Variants in BCAS3 observed in about 807,000 individuals in gnomAD.
BCAS3 encodes BCAS3 microtubule associated cell migration factor.
Under a neutral mutation model 116.1 loss-of-function variants are expected in BCAS3, and 53 were observed. The ratio of observed to expected loss-of-function variants is 0.46; its 90% CI spans 0.37 to 0.57. The LOEUF (loss-of-function observed/expected upper bound fraction) is 0.57, where lower values mean the gene tolerates loss of function less well. BCAS3 is among the 20% of genes least tolerant of loss of function. The probability of loss-of-function intolerance (pLI) is 0.00; values close to 1 mark genes in which losing one functional copy is unlikely to be tolerated. For missense variants in BCAS3, 917 were observed against 1,165.4 expected (o/e 0.79, Z 3.10); for synonymous variants, 391 against 408.2 (o/e 0.96, Z 0.51).
chr17:60,763,625 G>A (rs1274825142), intron 6 of BCAS3, among the ~76,000 whole-genome samples: 8 of 152,100 alleles, frequency 5.3e-5, no homozygotes, highest in African/African-American at 1.2e-4. Flanking sequence ...TTTTCGCATC[G>A]ATGTTCATCA....
intron 7 of BCAS3, among the ~76,000 whole-genome samples, chr17:60,814,306 TGC>T (rs1555731469): frequency 8.8e-5 from 13 of 148,298 alleles, no homozygotes; most frequent in African/African-American, 2.5e-4. Context: ...TGTGTGTGTG[TGC>T]GCGCGTGCCC....
chr17:61,374,551 C>T (rs1603156048), intron 23 of BCAS3, among the ~76,000 whole-genome samples: 9 of 152,306 alleles, frequency 5.9e-5, no homozygotes, highest in South Asian at 2.1e-4. Context: ...TTCCTTCCTG[C>T]GGCCCCGGGC....
Position 61,114,420 on chromosome 17 carries a change from TCACAAGCATTCTTATA to T in BCAS3, c.2425+29860_2425+29875del, listed in dbSNP as rs1317894749. 6.2e-3 allele frequency among the ~76,000 whole-genome samples: 923 copies of T among 147,984 alleles called. 2 individuals carry two copies. Among genetic ancestry groups the T allele is most frequent in the Non-Finnish European group, 8.7e-3 (580 of 66,812 alleles). On this transcript the variant is annotated intron_variant, in intron 22 of 23. Coordinates refer to ENST00000407086, the MANE Select transcript of BCAS3 (RefSeq NM_017679.5). The stretch of plus-strand genomic sequence containing the variant: ...AGGATACAAAATCAATGTACCAAAA[TCACAAGCATTCTTATA>T]CACCAACAACAGACAAACAGAGAGC...
At chr17:61,086,311 T>C (rs1227295252) in intron 22 of BCAS3, among the ~76,000 whole-genome samples, 1 of 152,212 alleles carries the variant, frequency 6.6e-6, no homozygotes, top group Non-Finnish European at 1.5e-5. Context: ...CAGGCTAGTC[T>C]TGAACTCCTG....
intron 6 of BCAS3, among the ~76,000 whole-genome samples, chr17:60,777,027 A>C (rs1345652695): frequency 1.3e-5 from 2 of 151,834 alleles, no homozygotes; most frequent in Non-Finnish European, 2.9e-5. Context: ...AAAAAAAAAA[A>C]AAAAACAAAT....
chr17:61,186,701 C>T lies in BCAS3; in HGVS notation c.2425+102137C>T, dbSNP rs920660869. On this transcript the variant is annotated intron_variant, in intron 22 of 23. Transcript: ENST00000407086. This position sits in a 1 kb window ranked among gnomAD's most constrained non-coding sequence, Gnocchi z 4.9. ...ACCCAGTTTCTCTGTTTAGAGGCCACCAATATTAACAGTTGTTTTTTTTTT... is the reference window on the plus strand; with the variant it reads ...ACCCAGTTTCTCTGTTTAGAGGCCATCAATATTAACAGTTGTTTTTTTTTT... Among the ~76,000 whole-genome samples the T allele has an allele frequency of 2.0e-5, 3 of 152,064 alleles. No homozygotes were observed. The highest frequency in any genetic ancestry group is 7.2e-5 in the African/African-American group (3 of 41,418).
chr17:61,357,606 G>A (rs2058226632), intron 22 of BCAS3, among the ~76,000 whole-genome samples: 1 of 149,324 alleles, frequency 6.7e-6, no homozygotes, highest in Admixed American at 6.6e-5. Context: ...ACCACACCCG[G>A]CTAATGTTTG....
intron 22 of BCAS3, among the ~76,000 whole-genome samples, chr17:61,125,729 A>C (rs1038397492): frequency 6.6e-6 from 1 of 152,170 alleles, no homozygotes; most frequent in African/African-American, 2.4e-5. Context: ...AGATGTGGAA[A>C]TCTCTTAATG....
rs539216516 is a variant in BCAS3 at position 61,136,140 on chromosome 17, G to A, written c.2425+51576G>A. Among the ~76,000 whole-genome samples the A allele has an allele frequency of 6.6e-6, 1 of 152,254 alleles. No individual in the cohort carries two copies. The highest frequency in any genetic ancestry group is 2.4e-5 in the African/African-American group (1 of 41,544). On this transcript the variant is annotated intron_variant, in intron 22 of 23. Coordinates refer to ENST00000407086, the MANE Select transcript of BCAS3 (RefSeq NM_017679.5). The surrounding 1 kb of genome is among the most constrained non-coding windows in gnomAD (Gnocchi z 4.4). ...ACTAGCACCTCTTAGACTCCAAAAT[G>A]CTTTGCACCTATTTAAATGTTTTCC...
At chr17:61,061,753 T>A (rs1245825687) in intron 19 of BCAS3, among the ~76,000 whole-genome samples, 1 of 152,186 alleles carries the variant, frequency 6.6e-6, no homozygotes, top group Non-Finnish European at 1.5e-5. Flanking sequence ...GAGAATACCG[T>A]TGCTACTGTT....
At position 61,141,781 on chromosome 17, in the gene BCAS3, G is replaced by T. The variant is rs142538219; in HGVS notation, c.2425+57217G>T. Among the ~76,000 whole-genome samples, 2 of 151,612 alleles carry T rather than the reference G, an allele frequency of 1.3e-5. No individual in the cohort carries two copies. Among genetic ancestry groups the T allele is most frequent in the South Asian group, 4.2e-4 (2 of 4,808 alleles). On this transcript the variant is annotated intron_variant, in intron 22 of 23. Transcript: ENST00000407086. This position sits in a 1 kb window ranked among gnomAD's most constrained non-coding sequence, Gnocchi z 4.3. ...CTGGGCGTGGTGGCGCACGCCTGTA[G>T]TCCCAACTACTCAGGAGGCTGAGGC...
chr17:61,120,697 A>T (rs945960131), intron 22 of BCAS3, among the ~76,000 whole-genome samples: 1 of 152,140 alleles, frequency 6.6e-6, no homozygotes, highest in Non-Finnish European at 1.5e-5. Context: ...ATTTTAGTAC[A>T]TATCTCTAAA....
rs2058885342 is a variant in BCAS3, at chr17:61,368,876, G to T, written c.2593+382G>T. ...TTAGAGATTGGCAAGTCTCAGTAGG[G>T]CCTGCCAACCTGAGCGGAGTAAGCA... On this transcript the variant is annotated intron_variant, in intron 23 of 23. Coordinates refer to ENST00000407086, the MANE Select transcript of BCAS3 (RefSeq NM_017679.5). The surrounding 1 kb of genome is among the most constrained non-coding windows in gnomAD (Gnocchi z 6.0). Among the ~76,000 whole-genome samples, 1 of 152,208 alleles carries T rather than the reference G, an allele frequency of 6.6e-6. No individual in the cohort carries two copies. The highest frequency in any genetic ancestry group is 6.5e-5 in the Admixed American group (1 of 15,288).
intron 22 of BCAS3, among the ~76,000 whole-genome samples, chr17:61,207,706 C>G (rs1374050771): frequency 1.3e-5 from 2 of 152,066 alleles, no homozygotes; most frequent in Non-Finnish European, 2.9e-5. Context: ...TCTTAGCCTC[C>G]CACCCAAATT....
chr17:60,703,801 C>A (rs1261092019), intron 4 of BCAS3, among the ~76,000 whole-genome samples: 2 of 151,456 alleles, frequency 1.3e-5, no homozygotes, highest in African/African-American at 2.4e-5. Flanking sequence ...GTAGTCCCAG[C>A]TACTCGGGAG....
intron 6 of BCAS3, among the ~76,000 whole-genome samples, chr17:60,756,689 G>A (rs1200006925): frequency 6.6e-6 from 1 of 152,116 alleles, no homozygotes; most frequent in Non-Finnish European, 1.5e-5. Context: ...GGGCACTTAG[G>A]TTGATTCCAT....
intron 13 of BCAS3, among the ~76,000 whole-genome samples, chr17:60,944,792 C>T (rs920685110): frequency 6.6e-6 from 1 of 152,096 alleles, no homozygotes; most frequent in Admixed American, 6.6e-5. Context: ...ATTTCAATAG[C>T]TGCAGAAAAG....
At chr17:60,881,223 C>T (rs1031493897) in intron 9 of BCAS3, among the ~76,000 whole-genome samples, 1 of 152,170 alleles carries the variant, frequency 6.6e-6, no homozygotes, top group African/African-American at 2.4e-5. Flanking sequence ...ATCCGCCCAC[C>T]TCGGCCTCCC....
chr17:60,704,969 T>C (rs1439654499), intron 4 of BCAS3, among the ~76,000 whole-genome samples: 1 of 152,056 alleles, frequency 6.6e-6, no homozygotes, highest in East Asian at 1.9e-4. Context: ...TTGTTGGGCC[T>C]CTAGATCAAA....
Sources: gnomAD v4.1 joint callset for allele counts (sites outside exome capture counted in the v4.1 genomes callset) on GRCh38, gnomAD v4.1.1 for gene constraint, Gnocchi (gnomAD v3.1) non-coding constraint, MANE v1.5 for transcripts, NCBI Gene and HGNC (gene_info 2026-07-23, HGNC 2026-07-21) for gene names.